SAXO1: variants seen among roughly 807,000 people sequenced by gnomAD.
The protein encoded by SAXO1 is stabilizer of axonemal microtubules 1.
In SAXO1, 21 loss-of-function variants were observed where a neutral mutation model predicts 17.5. The observed-to-expected ratio is 1.20, with a 90% confidence interval of 0.85 to 1.72. SAXO1 has a LOEUF of 1.72. SAXO1 is among the 40% of genes most tolerant of loss of function. SAXO1 has a pLI of 0.00. For missense variants in SAXO1, 843 were observed against 596.0 expected (o/e 1.41, Z -4.32); for synonymous variants, 274 against 216.5 (o/e 1.27, Z -2.33).
At chr9:18,995,516 C>T (rs938328185) in intron 1 of SAXO1, among the ~76,000 whole-genome samples, 1 of 152,212 alleles carries the variant, frequency 6.6e-6, no homozygotes, top group Admixed American at 6.5e-5. Flanking sequence ...GTTCTCCTAG[C>T]TTGCAAGAAA....
chr9:18,937,647 A>G (rs1831358873), intron 3 of SAXO1, among the ~76,000 whole-genome samples: 2 of 152,124 alleles, frequency 1.3e-5, no homozygotes, highest in African/African-American at 2.4e-5. Context: ...TCATGAATGG[A>G]TTAGCACTGC....
chr9:19,010,422 C>G (rs986114924), intron 1 of SAXO1, among the ~76,000 whole-genome samples: 5 of 151,960 alleles, frequency 3.3e-5, no homozygotes, highest in South Asian at 4.2e-4. Flanking sequence ...TGTTTCTTTA[C>G]ACACCTCTGG....
At chr9:18,954,205 C>A (rs1351315315) in intron 1 of SAXO1, among the ~76,000 whole-genome samples, 2 of 152,192 alleles carry the variant, frequency 1.3e-5, no homozygotes, top group Non-Finnish European at 2.9e-5. Context: ...ATAACACTGA[C>A]TTTCTGATAC....
rs577166672 is a variant in SAXO1, at chr9:18,977,167, T to C, written c.39-26230A>G. Reference sequence around the variant, plus strand: ...GCATGAGACAGTTATAATAAATTTGTTGCCTGTAACAGAAACTCCCACCAT... The same window carrying C: ...GCATGAGACAGTTATAATAAATTTGCTGCCTGTAACAGAAACTCCCACCAT... On this transcript the variant is annotated intron_variant, in intron 1 of 3. Transcript: ENST00000380534. 1.1e-4 allele frequency among the ~76,000 whole-genome samples: 17 copies of C among 152,362 alleles called. No homozygotes were observed. The South Asian group carries it at 3.5e-3, about 32-fold the overall frequency.
intron 1 of SAXO1, among the ~76,000 whole-genome samples, chr9:18,965,882 C>T (rs1303505337): frequency 6.6e-6 from 1 of 152,052 alleles, no homozygotes; most frequent in Non-Finnish European, 1.5e-5. Flanking sequence ...TGGCTGGTAC[C>T]GTCTTTTCCT....
At chr9:18,965,220 A>T (rs1832666600) in intron 1 of SAXO1, among the ~76,000 whole-genome samples, 1 of 152,194 alleles carries the variant, frequency 6.6e-6, no homozygotes, top group African/African-American at 2.4e-5. Flanking sequence ...TGCTGAGAAG[A>T]ATGTATATTC....
intron 1 of SAXO1, among the ~76,000 whole-genome samples, chr9:18,958,861 C>G (rs59351080): frequency 0.15 from 23,353 of 151,416 alleles, 3,791 homozygotes; most frequent in African/African-American, 0.41. Context: ...TGAAGTTGCT[C>G]GAAGAGAAGA....
At chr9:19,004,216 T>C (rs1834399457) in intron 1 of SAXO1, among the ~76,000 whole-genome samples, 1 of 152,172 alleles carries the variant, frequency 6.6e-6, no homozygotes, top group African/African-American at 2.4e-5. Flanking sequence ...ATGGTGTTCA[T>C]TAAAAAGTCA....
intron 1 of SAXO1, among the ~76,000 whole-genome samples, chr9:18,951,693 T>C (rs1375934588): frequency 6.6e-6 from 1 of 152,212 alleles, no homozygotes; most frequent in Non-Finnish European, 1.5e-5. Context: ...CACTTATAGC[T>C]ACCTGTGACT....
At position 18,999,755 on chromosome 9, in the gene SAXO1, C is replaced by T. The variant is rs1223471231; in HGVS notation, c.38+33116G>A. On this transcript the variant is annotated intron_variant, in intron 1 of 3. Coordinates refer to ENST00000380534, the MANE Select transcript of SAXO1 (RefSeq NM_153707.4). ...GTCCCACTGTCTGGGAAGTGAGGAG[C>T]GCCTCTGCCCGGCCGCCACACCATC... 5.6e-5 allele frequency among the ~76,000 whole-genome samples: 8 copies of T among 143,402 alleles called. No homozygotes were observed. In the East Asian group the frequency reaches 6.4e-4, roughly 11 times the overall value. 94.1% of individuals were successfully genotyped at this position (143,402 alleles called of 152,430 possible). A position where few individuals can be genotyped will look rare whatever the true frequency, so the allele number is the denominator to read the frequency against.
intron 1 of SAXO1, among the ~76,000 whole-genome samples, chr9:18,994,718 AG>A (rs973930922): frequency 6.6e-6 from 1 of 152,230 alleles, no homozygotes; most frequent in African/African-American, 2.4e-5. Flanking sequence ...TACAAAAGGA[AG>A]GGCTGCCCCC....
chr9:19,043,785 A>T (rs1227791252), intron 1 of SAXO1, among the ~76,000 whole-genome samples: 2 of 151,880 alleles, frequency 1.3e-5, no homozygotes, highest in Non-Finnish European at 2.9e-5. Flanking sequence ...AAAAAGACCT[A>T]GTATTTGATA....
At chr9:18,938,831 T>TGCGTGC (rs1347898627) in intron 3 of SAXO1, among the ~76,000 whole-genome samples, 1 of 24,660 alleles carries the variant, frequency 4.1e-5, no homozygotes, top group Non-Finnish European at 8.9e-5. Context: ...CGTGTGTGTG[T>TGCGTGC]GTGTGTGTGT....
intron 1 of SAXO1, among the ~76,000 whole-genome samples, chr9:19,024,664 T>G (rs938034011): frequency 2.6e-5 from 4 of 151,966 alleles, no homozygotes; most frequent in African/African-American, 9.7e-5. Context: ...AGCTTCACTT[T>G]CCTCATCACT....
intron 1 of SAXO1, among the ~76,000 whole-genome samples, chr9:19,015,883 G>C (rs1195189316): frequency 6.6e-6 from 1 of 152,074 alleles, no homozygotes. Context: ...ACCTGCATCT[G>C]AATCACCAAA....
intron 1 of SAXO1, among the ~76,000 whole-genome samples, chr9:18,967,543 G>C (rs1832768195): frequency 6.6e-6 from 1 of 152,204 alleles, no homozygotes; most frequent in Non-Finnish European, 1.5e-5. Context: ...TGTTTACACT[G>C]TAAGGGGAAA....
At chr9:19,025,664 A>G (rs975263033) in intron 1 of SAXO1, among the ~76,000 whole-genome samples, 3 of 152,218 alleles carry the variant, frequency 2.0e-5, no homozygotes. Flanking sequence ...ATTTCATGAT[A>G]CATTAACCAG....
At chr9:19,038,443 T>TCATG (rs1835997064) in intron 1 of SAXO1, among the ~76,000 whole-genome samples, 1 of 151,882 alleles carries the variant, frequency 6.6e-6, no homozygotes, top group Non-Finnish European at 1.5e-5. Context: ...AATGATGAGC[T>TCATG]CATGTCCTTT....
At chr9:18,978,317 C>T (rs1833236565) in intron 1 of SAXO1, among the ~76,000 whole-genome samples, 1 of 152,186 alleles carries the variant, frequency 6.6e-6, no homozygotes, top group Non-Finnish European at 1.5e-5. Flanking sequence ...TTCACAGCCA[C>T]TCACATTGTG....
Sources: allele counts gnomAD v4.1 joint callset (sites outside exome capture counted in the v4.1 genomes callset), GRCh38; gene constraint gnomAD v4.1.1; transcripts MANE v1.5; gene names NCBI Gene and HGNC (gene_info 2026-07-23, HGNC 2026-07-21).